The following PRR11 variants were observed in gnomAD, a reference collection of about 807,000 sequenced individuals.
PRR11 encodes proline-rich protein 11.
A neutral mutation model predicts 45.6 loss-of-function variants in PRR11; 30 were observed. The observed-to-expected ratio is 0.66, with a 90% CI of 0.49 to 0.89. The LOEUF (loss-of-function observed/expected upper bound fraction) is 0.89, where lower values mean the gene tolerates loss of function less well. Ranked by LOEUF, PRR11 falls within the 40% of genes least tolerant of loss-of-function variation. The pLI is 0.00. For missense variants in PRR11, 373 were observed against 424.8 expected (o/e 0.88, Z 1.07); for synonymous variants, 128 against 153.5 (o/e 0.83, Z 1.23).
At chr17:59,171,413 C>T (rs559251036) in intron 2 of PRR11, among the ~76,000 whole-genome samples, 1 of 152,168 alleles carries the variant, frequency 6.6e-6, no homozygotes, top group Non-Finnish European at 1.5e-5. Context: ...AAGTGTAATA[C>T]ATATATTAAG....
rs2046907618 is a variant in PRR11, at chr17:59,204,370, T to C, written c.*2739T>C. On this transcript the variant is annotated 3_prime_UTR_variant, in exon 10 of 10. Coordinates refer to ENST00000262293, the MANE Select transcript of PRR11 (RefSeq NM_018304.4). ...GAGATTGTGCCACTGTATTCCATCC[T>C]GGGCAACAGAGCCAGACCCTGCCTC... 1.6e-5 allele frequency: 2 copies of C among 122,336 alleles called. No homozygotes were observed. Among genetic ancestry groups the C allele is most frequent in the Admixed American group, 2.2e-4 (2 of 9,110 alleles). 7.6% of individuals were successfully genotyped at this position (122,336 alleles called of 1,614,324 possible).
intron 9 of PRR11, among the ~76,000 whole-genome samples, chr17:59,200,479 C>T (rs1891735064): frequency 6.6e-6 from 1 of 151,540 alleles, no homozygotes; most frequent in African/African-American, 2.4e-5. Flanking sequence ...ATACAACTAA[C>T]TCATTTATTT....
rs1296765870 is a variant in PRR11, at chr17:59,203,233, GTT to G, written c.*1605_*1606del. 2.0e-5 allele frequency among the ~76,000 whole-genome samples: 3 copies of G among 151,974 alleles called. No homozygotes were observed. Among genetic ancestry groups the G allele is most frequent in the Non-Finnish European group, 2.9e-5 (2 of 67,982 alleles). ...TTTTGTTTGTTTGTTTGTTTGTTTT[GTT>G]TTGTTTTGAGATGAAGTCTCACTCT... On this transcript the variant is annotated 3_prime_UTR_variant, in exon 10 of 10. Coordinates refer to ENST00000262293, the MANE Select transcript of PRR11 (RefSeq NM_018304.4).
intron 2 of PRR11, chr17:59,181,739 C>A: frequency 6.4e-7 from 1 of 1,557,426 alleles, no homozygotes; most frequent in Non-Finnish European, 8.7e-7. Context: ...CTGGGATCTA[C>A]CCCAGGGGCT....
At chr17:59,187,545 G>C (rs2046819940) in intron 4 of PRR11, among the ~76,000 whole-genome samples, 1 of 151,552 alleles carries the variant, frequency 6.6e-6, no homozygotes, top group African/African-American at 2.4e-5. Flanking sequence ...ACTCCAGCTT[G>C]GGCAACAGAG....
At chr17:59,159,051 C>T (rs1004400375) in intron 1 of PRR11, among the ~76,000 whole-genome samples, 6 of 152,188 alleles carry the variant, frequency 3.9e-5, no homozygotes, top group South Asian at 2.1e-4. Context: ...AACTCCTGAC[C>T]TCAGGTGATC....
chr17:59,200,347 T>C (rs992319407), intron 9 of PRR11, among the ~76,000 whole-genome samples: 4 of 152,104 alleles, frequency 2.6e-5, no homozygotes, highest in Non-Finnish European at 4.4e-5. Context: ...GTAATCCCAG[T>C]GCTTTGGGAG....
chr17:59,174,598 G>A (rs145820077), intron 2 of PRR11, among the ~76,000 whole-genome samples: 29 of 152,246 alleles, frequency 1.9e-4, no homozygotes, highest in Non-Finnish European at 3.4e-4. Flanking sequence ...ACATCACCTG[G>A]CTAATTTTTG....
At chr17:59,173,326 C>T (rs2046721185) in intron 2 of PRR11, among the ~76,000 whole-genome samples, 1 of 152,182 alleles carries the variant, frequency 6.6e-6, no homozygotes, top group Non-Finnish European at 1.5e-5. Flanking sequence ...GCTGCCCAAG[C>T]CAGTAGTGGC....
chr17:59,174,039 T>G (rs1270197497), intron 2 of PRR11, among the ~76,000 whole-genome samples: 1 of 152,236 alleles, frequency 6.6e-6, no homozygotes, highest in Non-Finnish European at 1.5e-5. Flanking sequence ...TTTTATCTCC[T>G]GTCCTTCATT....
At chr17:59,173,672 C>G (rs573089045) in intron 2 of PRR11, among the ~76,000 whole-genome samples, 1 of 152,346 alleles carries the variant, frequency 6.6e-6, no homozygotes, top group East Asian at 1.9e-4. Context: ...AGAACTGTAA[C>G]ATGGCGAGGG....
chr17:59,165,256 A>G (rs1445827978), intron 1 of PRR11, among the ~76,000 whole-genome samples: 1 of 151,592 alleles, frequency 6.6e-6, no homozygotes, highest in Non-Finnish European at 1.5e-5. Flanking sequence ...TCCTGACCTC[A>G]TGATCTGCCC....
At chr17:59,175,444 G>A (rs2046738884) in intron 2 of PRR11, among the ~76,000 whole-genome samples, 1 of 152,102 alleles carries the variant, frequency 6.6e-6, no homozygotes, top group Non-Finnish European at 1.5e-5. Context: ...GGGCAACATA[G>A]CAAGACCCTC....
intron 7 of PRR11, among the ~76,000 whole-genome samples, chr17:59,195,806 T>C (rs1227709755): frequency 6.6e-6 from 1 of 151,730 alleles, no homozygotes; most frequent in African/African-American, 2.4e-5. Context: ...AGGCTGGGAG[T>C]GGTGGGTTAT....
intron 2 of PRR11, among the ~76,000 whole-genome samples, chr17:59,180,427 T>C (rs1440453834): frequency 6.7e-6 from 1 of 149,990 alleles, no homozygotes; most frequent in Non-Finnish European, 1.5e-5. Flanking sequence ...CACTGCACCC[T>C]GCCTCAGTCC....
chr17:59,161,492 G>A (rs920402619), intron 1 of PRR11, among the ~76,000 whole-genome samples: 1 of 151,128 alleles, frequency 6.6e-6, no homozygotes, highest in Non-Finnish European at 1.5e-5. Context: ...GCTCACACCT[G>A]TAATTTCACC....
chr17:59,193,556 C>G lies in PRR11; in HGVS notation c.467C>G (p.Thr156Arg), dbSNP rs767028934. The G allele has an allele frequency of 4.5e-5, 72 of 1,614,066 alleles. No homozygotes were observed. The highest frequency in any genetic ancestry group is 6.0e-5 in the Non-Finnish European group (71 of 1,180,048). ...GQTCHMSGKL[T>R]NVPACVLITP... ...ACATGTCACATGAGTGGTAAACTTACAAATGTGCCTGCCTGCGTTCTGATC... is the reference window on the plus strand; with the variant it reads ...ACATGTCACATGAGTGGTAAACTTAGAAATGTGCCTGCCTGCGTTCTGATC... Residue 156 changes from threonine to arginine, a missense_variant, in exon 5 of 10, where the codon ACA becomes AGA. Transcript: ENST00000262293.
intron 2 of PRR11, among the ~76,000 whole-genome samples, chr17:59,183,299 C>T (rs780981124): frequency 6.6e-6 from 1 of 152,138 alleles, no homozygotes; most frequent in Non-Finnish European, 1.5e-5. Context: ...TTTGGGGTCT[C>T]CTCTTCTCTG....
intron 1 of PRR11, among the ~76,000 whole-genome samples, chr17:59,168,137 G>A (rs2046688743): frequency 1.3e-5 from 2 of 149,796 alleles, no homozygotes; most frequent in Non-Finnish European, 2.9e-5. Context: ...GTTCTACTAG[G>A]TAATGTTTTT....
Sources: gnomAD v4.1 joint callset for allele counts (sites outside exome capture counted in the v4.1 genomes callset) on GRCh38, gnomAD v4.1.1 for gene constraint, MANE v1.5 for transcripts, NCBI Gene and HGNC (gene_info 2026-07-23, HGNC 2026-07-21) for gene names.